Variants in NR6A1 observed in about 807,000 individuals in gnomAD.
NR6A1 encodes the protein nuclear receptor subfamily 6 group A member 1.
In NR6A1, 7 loss-of-function variants were observed where a neutral mutation model predicts 59.1. That is an observed-to-expected ratio of 0.12 (90% confidence interval 0.07 to 0.22). NR6A1 has a LOEUF of 0.22. Ranked by LOEUF, NR6A1 falls within the 10% of genes least tolerant of loss-of-function variation. NR6A1 has a pLI of 1.00. For synonymous variants in NR6A1, 243 were observed against 236.1 expected, an observed-to-expected ratio of 1.03 and a Z score of -0.27; for missense variants, 468 against 611.6, an observed-to-expected ratio of 0.77 and a Z score of 2.48.
chr9:124,606,598 A>T (rs1835581178), intron 2 of NR6A1, among the ~76,000 whole-genome samples: 1 of 152,246 alleles, frequency 6.6e-6, no homozygotes, highest in African/African-American at 2.4e-5. Flanking sequence ...TTAATTTTGT[A>T]AACTTGGGCA....
At chr9:124,762,560 T>C (rs1330536976) in intron 1 of NR6A1, among the ~76,000 whole-genome samples, 1 of 152,182 alleles carries the variant, frequency 6.6e-6, no homozygotes, top group African/African-American at 2.4e-5. Context: ...TTGTGGATAG[T>C]CTTCTTTGAT....
intron 2 of NR6A1, among the ~76,000 whole-genome samples, chr9:124,596,456 C>T (rs1835276003): frequency 6.6e-6 from 1 of 152,122 alleles, no homozygotes; most frequent in Non-Finnish European, 1.5e-5. Context: ...CATTTCCATG[C>T]TCTGGTTATC....
At chr9:124,563,774 T>C (rs1056167543) in intron 2 of NR6A1, among the ~76,000 whole-genome samples, 1 of 152,174 alleles carries the variant, frequency 6.6e-6, no homozygotes, top group African/African-American at 2.4e-5. Context: ...TTCCCCAAGC[T>C]AGCGATATAT....
intron 1 of NR6A1, among the ~76,000 whole-genome samples, chr9:124,767,522 A>AG (rs1840971333): frequency 6.6e-6 from 1 of 151,942 alleles, no homozygotes. Context: ...AGAAAAAAAA[A>AG]AAAAAAAGAA....
intron 2 of NR6A1, among the ~76,000 whole-genome samples, chr9:124,613,085 C>G (rs1372257648): frequency 1.3e-5 from 2 of 152,044 alleles, no homozygotes; most frequent in African/African-American, 4.8e-5. Flanking sequence ...ACCTGTAATC[C>G]CAGCCTTTGG....
chr9:124,637,892 CAAAAAAAA>C (rs796714741), intron 2 of NR6A1, among the ~76,000 whole-genome samples: 12 of 78,982 alleles, frequency 1.5e-4, no homozygotes, highest in Non-Finnish European at 2.3e-4. Flanking sequence ...ACTCCCTCTC[CAAAAAAAA>C]AAAAAAAAAA....
At chr9:124,747,148 A>G (rs370196099) in intron 1 of NR6A1, among the ~76,000 whole-genome samples, 1 of 151,354 alleles carries the variant, frequency 6.6e-6, no homozygotes, top group East Asian at 1.9e-4. Flanking sequence ...CCCTAGAAGC[A>G]GTCACATCCT....
intron 3 of NR6A1, among the ~76,000 whole-genome samples, chr9:124,553,787 C>T (rs1286221410): frequency 6.6e-6 from 1 of 151,864 alleles, no homozygotes; most frequent in Non-Finnish European, 1.5e-5. Flanking sequence ...TTTCCCCTGC[C>T]CCAATTCACC....
At chr9:124,670,910 A>G (rs1218647178) in intron 2 of NR6A1, among the ~76,000 whole-genome samples, 3 of 151,868 alleles carry the variant, frequency 2.0e-5, no homozygotes, top group African/African-American at 7.2e-5. Context: ...TATTCAGATG[A>G]AAAAAAATGG....
intron 2 of NR6A1, among the ~76,000 whole-genome samples, chr9:124,714,292 T>TA (rs1839357382): frequency 6.6e-6 from 1 of 152,196 alleles, no homozygotes; most frequent in South Asian, 2.1e-4. Context: ...TGAGAAGAGT[T>TA]ATGTGGATGG....
chr9:124,696,773 CAGCCTCCCAAGT>C (rs2131036262), intron 2 of NR6A1, among the ~76,000 whole-genome samples: 1 of 152,262 alleles, frequency 6.6e-6, no homozygotes, highest in African/African-American at 2.4e-5. Flanking sequence ...CCGCCCACCT[CAGCCTCCCAAGT>C]AGCTGGGACC....
intron 3 of NR6A1, among the ~76,000 whole-genome samples, chr9:124,547,710 G>A (rs560715716): frequency 2.0e-5 from 3 of 152,200 alleles, no homozygotes; most frequent in East Asian, 1.9e-4. Flanking sequence ...GCATGTATTC[G>A]TGAGGAAACT....
intron 2 of NR6A1, among the ~76,000 whole-genome samples, chr9:124,640,095 A>G (rs984494616): frequency 2.6e-5 from 4 of 152,236 alleles, no homozygotes; most frequent in African/African-American, 9.6e-5. Flanking sequence ...GCTGAAGAAC[A>G]TCCATGGCGT....
At chr9:124,676,916 G>T (rs1407086895) in intron 2 of NR6A1, among the ~76,000 whole-genome samples, 6 of 152,130 alleles carry the variant, frequency 3.9e-5, no homozygotes, top group Non-Finnish European at 7.3e-5. Context: ...ACAGAGCTAA[G>T]TGGTTACCTT....
At chr9:124,735,607 G>C (rs1434766086) in intron 1 of NR6A1, among the ~76,000 whole-genome samples, 2 of 152,222 alleles carry the variant, frequency 1.3e-5, no homozygotes, top group Non-Finnish European at 2.9e-5. Flanking sequence ...TGAAATACCA[G>C]AATTTAGAAG....
intron 2 of NR6A1, among the ~76,000 whole-genome samples, chr9:124,652,525 T>C (rs192836254): frequency 1.2e-4 from 19 of 152,326 alleles, no homozygotes; most frequent in African/African-American, 4.6e-4. Flanking sequence ...GTACAGTGCA[T>C]GGCTCATAGC....
chr9:124,709,744 AC>A (rs35423116), intron 2 of NR6A1, among the ~76,000 whole-genome samples: 71,589 of 151,654 alleles, frequency 0.47, 17,199 homozygotes, highest in Admixed American at 0.59. Flanking sequence ...GACCAGCCTG[AC>A]CAACACGGTG....
chr9:124,755,900 T>G (rs972332636), intron 1 of NR6A1, among the ~76,000 whole-genome samples: 1 of 152,198 alleles, frequency 6.6e-6, no homozygotes, highest in South Asian at 2.1e-4. Flanking sequence ...CAAAAACCTC[T>G]TTGATGTTAA....
chr9:124,584,470 C>T (rs1449717077), intron 2 of NR6A1, among the ~76,000 whole-genome samples: 2 of 152,026 alleles, frequency 1.3e-5, no homozygotes, highest in African/African-American at 2.4e-5. Flanking sequence ...CTCATCAGTA[C>T]CATTTTTTCC....
Sources: allele counts gnomAD v4.1 joint callset (sites outside exome capture counted in the v4.1 genomes callset), GRCh38; gene constraint gnomAD v4.1.1; transcripts MANE v1.5; gene names NCBI Gene and HGNC (gene_info 2026-07-23, HGNC 2026-07-21).